Variants in GDPD3 observed in about 807,000 individuals in gnomAD.
GDPD3 encodes lysophospholipase D GDPD3.
A neutral mutation model predicts 43.7 loss-of-function variants in GDPD3; 40 were observed. The ratio of observed to expected loss-of-function variants is 0.91; its 90% CI spans 0.71 to 1.19. The LOEUF is 1.19. Ranked by LOEUF, GDPD3 falls within the 50% of genes most tolerant of loss-of-function variation. GDPD3 has a pLI of 0.00. For missense variants in GDPD3, 363 were observed against 415.8 expected, an observed-to-expected ratio of 0.87 and a Z score of 1.11; for synonymous variants, 145 against 162.9, an observed-to-expected ratio of 0.89 and a Z score of 0.84.
chr16:30,111,150 G>A, intron 7 of GDPD3: 1 of 466,338 alleles, frequency 2.1e-6, no homozygotes, highest in Non-Finnish European at 3.8e-6. Flanking sequence ...AATAAAATAT[G>A]CTAGATGGCC....
At chr16:30,108,887 C>A (rs533077092) in intron 7 of GDPD3, among the ~76,000 whole-genome samples, 55 of 151,566 alleles carry the variant, frequency 3.6e-4, no homozygotes, top group Non-Finnish European at 6.5e-4. Context: ...GCTGGAGTGC[C>A]GTGGTGCGAT....
chr16:30,104,893 T>G lies in GDPD3; in HGVS notation c.936A>C (p.Gly312=). The change falls in exon 10 of 10, where the codon GGA becomes GGC. Residue 312 remains glycine, a synonymous_variant. Coordinates refer to ENST00000406256, the MANE Select transcript of GDPD3 (RefSeq NM_024307.3). ...TALRHYLDNH[G]PAARTS The stretch of plus-strand genomic sequence containing the variant: ...GGACTTAGGAGGTCCGGGCAGCTGG[T>G]CCATGGTTGTCCAGGTAGTGCCGCA... The G allele has an allele frequency of 6.2e-7, 1 of 1,612,604 alleles. No individual in the cohort carries two copies. The highest frequency in any genetic ancestry group is 8.5e-7 in the Non-Finnish European group (1 of 1,180,004).
Position 30,112,558 on chromosome 16 carries a change from A to G in GDPD3, c.329T>C (p.Leu110Pro), listed in dbSNP as rs2072910588. 1 of 1,613,526 alleles carries G rather than the reference A, an allele frequency of 6.2e-7. No individual in the cohort carries two copies. Among genetic ancestry groups the G allele is most frequent in the African/African-American group, 1.3e-5 (1 of 74,686 alleles). The change falls in exon 4 of 10, where the codon CTC (leucine) becomes CCC (proline). Residue 110 changes from leucine (L) to proline (P), a missense_variant. Coordinates refer to ENST00000406256, the MANE Select transcript of GDPD3 (RefSeq NM_024307.3). This position sits in a 1 kb window ranked among gnomAD's most constrained non-coding sequence, Gnocchi z 5.4. Reference protein sequence around the residue: ...VGSLDFEDLPLYKEKLEVYFS... With the variant: ...VGSLDFEDLPPYKEKLEVYFS... The stretch of plus-strand genomic sequence containing the variant: ...GTAAACCTCCAGCTTCTCCTTGTAG[A>G]GGGGCAGGTCCTGGGGAGGACAGGA...
intron 9 of GDPD3, among the ~76,000 whole-genome samples, chr16:30,106,889 A>T (rs1276635160): frequency 6.6e-6 from 1 of 152,038 alleles, no homozygotes; most frequent in African/African-American, 2.4e-5. Flanking sequence ...TTACATTTTT[A>T]GTAGAGATGG....
At chr16:30,107,144 A>AGT (rs773556031) in intron 9 of GDPD3, among the ~76,000 whole-genome samples, 2 of 151,588 alleles carry the variant, frequency 1.3e-5, no homozygotes, top group African/African-American at 4.9e-5. Flanking sequence ...CCCAGGCTGG[A>AGT]GTGTGGAGTG....
intron 7 of GDPD3, among the ~76,000 whole-genome samples, chr16:30,109,110 G>T (rs567321905): frequency 5.9e-5 from 9 of 152,082 alleles, no homozygotes; most frequent in African/African-American, 2.2e-4. Flanking sequence ...GATTACAGGC[G>T]TGAGCCACCG....
chr16:30,110,418 A>T (rs889455176), intron 7 of GDPD3: 3 of 152,032 alleles, frequency 2.0e-5, no homozygotes, highest in African/African-American at 7.2e-5. Context: ...GCAACAGGGG[A>T]AGACTCCTCA....
intron 9 of GDPD3, among the ~76,000 whole-genome samples, chr16:30,105,529 G>A (rs1365326949): frequency 4.6e-5 from 7 of 150,592 alleles, no homozygotes; most frequent in Non-Finnish European, 1.5e-5. Context: ...TTTTGAGATG[G>A]AGTCTTGGTT....
rs1037944483 is a variant in GDPD3 at position 30,111,527 on chromosome 16, G to A, written c.574-6C>T. On this transcript the variant is annotated splice_polypyrimidine_tract_variant and splice_region_variant and intron_variant, in intron 6 of 9. Coordinates refer to ENST00000406256, the MANE Select transcript of GDPD3 (RefSeq NM_024307.3). ...GACAGGGGCATCTCGGGGTTCTGGG[G>A]AGGCAAGGAGAGGCATGAGAATCTG... 6.2e-7 allele frequency: 1 copy of A among 1,613,572 alleles called. No homozygotes were observed. The highest frequency in any genetic ancestry group is 8.5e-7 in the Non-Finnish European group (1 of 1,179,718).
intron 7 of GDPD3, among the ~76,000 whole-genome samples, chr16:30,109,138 A>T (rs776588792): frequency 2.4e-4 from 36 of 152,064 alleles, no homozygotes; most frequent in Non-Finnish European, 4.4e-4. Flanking sequence ...CCATTAAAAA[A>T]TTTTTGTAGA....
intron 9 of GDPD3, among the ~76,000 whole-genome samples, chr16:30,107,017 TTTC>T (rs1255619242): frequency 6.6e-6 from 1 of 151,958 alleles, no homozygotes; most frequent in Non-Finnish European, 1.5e-5. Context: ...CCTCTGCATT[TTTC>T]TTTTCTTTCC....
At chr16:30,111,794 G>C (rs555906533) in intron 6 of GDPD3, 13 of 521,032 alleles carry the variant, frequency 2.5e-5, no homozygotes, top group African/African-American at 2.3e-4. Flanking sequence ...TTAGCTGGGC[G>C]TGGTGGCGTG....
rs370395287 is a variant in GDPD3 at position 30,112,310 on chromosome 16, C to G, written c.479G>C (p.Arg160Pro). 18 of 1,613,990 alleles carry G rather than the reference C, an allele frequency of 1.1e-5. No homozygotes were observed. In the African/African-American group the frequency reaches 1.7e-4, roughly 16 times the overall value. The change falls in exon 5 of 10, where the codon CGT (arginine) becomes CCT (proline). Residue 160 changes from arginine to proline, a missense_variant. Physicochemically the swap from Arg to Pro is moderately radical, Grantham distance 103. Transcript: ENST00000406256. The surrounding 1 kb of genome is among the most constrained non-coding windows in gnomAD (Gnocchi z 5.4). ...EIKGKNEELI[R>P]EIAGLVRRYD... ...TAGCCCTGCCTGCAGCACCACCTCA[C>G]GGATGAGCTCTTCGTTCTTCCCTTT...
intron 7 of GDPD3, among the ~76,000 whole-genome samples, chr16:30,109,032 C>G (rs56013963): frequency 0.25 from 38,638 of 151,776 alleles, 6,182 homozygotes; most frequent in African/African-American, 0.45. Context: ...GGGTTTCACC[C>G]TGTTAGCCAG....
chr16:30,112,803 T>C lies in GDPD3; in HGVS notation c.183-10A>G, dbSNP rs1355525143. On this transcript the variant is annotated splice_polypyrimidine_tract_variant and intron_variant, in intron 2 of 9. Transcript: ENST00000406256. This position sits in a 1 kb window ranked among gnomAD's most constrained non-coding sequence, Gnocchi z 5.4. ...GCGCTGGGCCATGGAGCTGTGGGGG[T>C]GAAGGTCAGCGGGGGGCAGGGGCAG... 6.3e-7 allele frequency: 1 copy of C among 1,598,886 alleles called. No individual in the cohort carries two copies. Among genetic ancestry groups the C allele is most frequent in the African/African-American group, 1.4e-5 (1 of 71,930 alleles).
Position 30,111,476 on chromosome 16 carries a change from C to G in GDPD3, c.619G>C (p.Val207Leu), listed in dbSNP as rs368779743. ...LSFTISRGFW[V>L]LLSYYLGLLP... ...AGCCCCAGGTAGTAGGAAAGCAGCACCCAGAATCCTCGGCTTATTGTGAAG... is the reference window on the plus strand; with the variant it reads ...AGCCCCAGGTAGTAGGAAAGCAGCAGCCAGAATCCTCGGCTTATTGTGAAG... The change falls in exon 7 of 10, where the codon GTG becomes CTG. Residue 207 changes from valine (V) to leucine (L), a missense_variant. Transcript: ENST00000406256. 1.2e-6 allele frequency: 2 copies of G among 1,613,852 alleles called. No individual in the cohort carries two copies. Among genetic ancestry groups the G allele is most frequent in the Non-Finnish European group, 1.7e-6 (2 of 1,179,976 alleles).
At chr16:30,106,192 T>C (rs2072859866) in intron 9 of GDPD3, among the ~76,000 whole-genome samples, 1 of 152,128 alleles carries the variant, frequency 6.6e-6, no homozygotes, top group Non-Finnish European at 1.5e-5. Context: ...CTCTTGCTAA[T>C]CAGTTTCCTA....
chr16:30,112,819 GC>G lies in GDPD3; in HGVS notation c.183-27del, dbSNP rs2072914042. 2 of 1,601,920 alleles carry G rather than the reference GC, an allele frequency of 1.2e-6. No homozygotes were observed. Among genetic ancestry groups the G allele is most frequent in the Non-Finnish European group, 1.7e-6 (2 of 1,177,636 alleles). The stretch of plus-strand genomic sequence containing the variant: ...CTGTGGGGGTGAAGGTCAGCGGGGG[GC>G]AGGGGCAGGGGACTGGGATGAGGGG... On this transcript the variant is annotated intron_variant, in intron 2 of 9. Transcript: ENST00000406256. This position sits in a 1 kb window ranked among gnomAD's most constrained non-coding sequence, Gnocchi z 5.4.
Position 30,112,924 on chromosome 16 carries a change from G to C in GDPD3, c.182+98C>G. ...TGCAGGCCACCTCCAGGGGGCGCCA[G>C]TCACCCAGCTAGGAAGTGAATGGCG... On this transcript the variant is annotated intron_variant, in intron 2 of 9. Coordinates refer to ENST00000406256, the MANE Select transcript of GDPD3 (RefSeq NM_024307.3). The surrounding 1 kb of genome is among the most constrained non-coding windows in gnomAD (Gnocchi z 5.4). 2 of 1,484,094 alleles carry C rather than the reference G, an allele frequency of 1.3e-6. No homozygotes were observed. Among genetic ancestry groups the C allele is most frequent in the Non-Finnish European group, 1.9e-6 (2 of 1,068,202 alleles). The allele number at this position is 1,484,094 out of a possible 1,614,324, so 91.9% of individuals were successfully genotyped here.
Sources: allele counts gnomAD v4.1 joint callset (sites outside exome capture counted in the v4.1 genomes callset), GRCh38; gene constraint gnomAD v4.1.1; non-coding constraint Gnocchi (gnomAD v3.1); transcripts MANE v1.5; gene names NCBI Gene and HGNC (gene_info 2026-07-23, HGNC 2026-07-21).